The following SLC15A1 variants were observed in gnomAD, a reference collection of about 807,000 sequenced individuals.
SLC15A1 encodes Caco-2 oligopeptide transporter.
In SLC15A1, 83 loss-of-function variants were observed where a neutral mutation model predicts 92.9. That is an observed-to-expected ratio of 0.89 (90% CI 0.75 to 1.07). The LOEUF (loss-of-function observed/expected upper bound fraction) is 1.07, where lower values mean the gene tolerates loss of function less well. Ranked by LOEUF, SLC15A1 falls within the 50% of genes least tolerant of loss-of-function variation. The probability of loss-of-function intolerance (pLI) is 0.00; values close to 1 mark genes in which losing one functional copy is unlikely to be tolerated. For synonymous variants in SLC15A1, 322 were observed against 318.2 expected (o/e 1.01, Z -0.13); for missense variants, 857 against 880.1 (o/e 0.97, Z 0.33).
intron 18 of SLC15A1, among the ~76,000 whole-genome samples, chr13:98,695,943 A>C (rs1325389278): frequency 6.6e-6 from 1 of 152,022 alleles, no homozygotes; most frequent in Non-Finnish European, 1.5e-5. Flanking sequence ...TTTTTTCCCT[A>C]GAGCCTCACT....
chr13:98,690,342 TA>T (rs1183676966), intron 18 of SLC15A1, among the ~76,000 whole-genome samples: 4 of 152,238 alleles, frequency 2.6e-5, no homozygotes, highest in African/African-American at 9.6e-5. Flanking sequence ...GATAGCTGAT[TA>T]ATATGGAAAA....
At chr13:98,709,464 C>G (rs1205207448) in intron 14 of SLC15A1, 108 bp downstream of exon 14, 9 of 779,886 alleles carry the variant, frequency 1.2e-5, no homozygotes, top group Middle Eastern at 2.8e-4. Flanking sequence ...TCTTCAAAAC[C>G]CTATCCTCTA....
In SLC15A1 at chr13:98,712,110, G is replaced by A. The variant is rs4646223; in HGVS notation, c.811-167C>T. On this transcript the variant is annotated intron_variant, in intron 10 of 22. Coordinates refer to ENST00000376503, the MANE Select transcript of SLC15A1 (RefSeq NM_005073.4). ...CTGCCGCAGTTTTCTTTAGAAAATC[G>A]AAAATGTCTAAACTATTTAAAATAT... Among the ~76,000 whole-genome samples the A allele has an allele frequency of 4.6e-3, 707 of 152,224 alleles. 40 individuals carry two copies. The East Asian group carries it at 0.099, about 21-fold the overall frequency.
chr13:98,727,011 T>A (rs1365817216), intron 1 of SLC15A1, 152 bp from the exon 2 acceptor site: 1 of 708,814 alleles, frequency 1.4e-6, no homozygotes, highest in Non-Finnish European at 2.5e-6. Flanking sequence ...CCCAGACTCA[T>A]GCTTCTTATC....
chr13:98,684,939 C>G, intron 22 of SLC15A1, 24 bp from the exon 23 acceptor site: 1 of 1,590,086 alleles, frequency 6.3e-7, no homozygotes, highest in Admixed American at 1.8e-5. Context: ...AGAGTTGGAG[C>G]AGGAAAAAGA....
At chr13:98,739,921 A>G (rs2088428975) in intron 1 of SLC15A1, among the ~76,000 whole-genome samples, 1 of 9,414 alleles carries the variant, frequency 1.1e-4, no homozygotes, top group Admixed American at 7.6e-4. Flanking sequence ...GACTTAAAAT[A>G]CGACAAGAAT....
At chr13:98,687,542 G>A in intron 21 of SLC15A1, 39 bp downstream of exon 21, 1 of 1,605,200 alleles carries the variant, frequency 6.2e-7, no homozygotes. Context: ...TGCAGGCAGG[G>A]GTATTGCAGA....
At chr13:98,714,037 A>C (rs2088190672) in intron 9 of SLC15A1, among the ~76,000 whole-genome samples, 1 of 145,678 alleles carries the variant, frequency 6.9e-6, no homozygotes, top group Non-Finnish European at 1.5e-5. Flanking sequence ...TGGGTGTCAG[A>C]GTGAGACTCT....
At chr13:98,704,679 T>C (rs2088097643) in intron 16 of SLC15A1, among the ~76,000 whole-genome samples, 1 of 152,200 alleles carries the variant, frequency 6.6e-6, no homozygotes, top group Admixed American at 6.5e-5. Context: ...CTTACTTTTA[T>C]TTTGCTTTTA....
rs1315915894 is a variant in SLC15A1, at chr13:98,707,891, T to TTTTAAAAAAA, written c.1149+794_1149+795insTTTTTTTAAA. ...CTAGGCGACAGAGTGAGACCCTGTT[T>TTTTAAAAAAA]AAAAAAAAAAAAAAAAAAAAAAAAA... On this transcript the variant is annotated intron_variant, in intron 15 of 22. Coordinates refer to ENST00000376503, the MANE Select transcript of SLC15A1 (RefSeq NM_005073.4). 2.4e-4 allele frequency among the ~76,000 whole-genome samples: 26 copies of TTTTAAAAAAA among 106,844 alleles called. 1 individual carries two copies. The highest frequency in any genetic ancestry group is 1.0e-3 in the African/African-American group (26 of 25,332). The allele number at this position is 106,844 out of a possible 152,430, so 70.1% of individuals were successfully genotyped here. A position where few individuals can be genotyped will look rare whatever the true frequency, so the allele number is the denominator to read the frequency against.
At chr13:98,715,220 G>A (rs2088203581) in intron 9 of SLC15A1, among the ~76,000 whole-genome samples, 1 of 152,110 alleles carries the variant, frequency 6.6e-6, no homozygotes. Context: ...TGTCGCCCAG[G>A]CTGGAGTGCA....
chr13:98,692,294 C>T (rs2087987068), intron 18 of SLC15A1, among the ~76,000 whole-genome samples: 1 of 151,846 alleles, frequency 6.6e-6, no homozygotes, highest in African/African-American at 2.4e-5. Context: ...GCTAGGACTG[C>T]AGGAGTGCAT....
At chr13:98,719,642 G>T (rs74407347) in intron 7 of SLC15A1, among the ~76,000 whole-genome samples, 2,525 of 152,198 alleles carry the variant, frequency 0.017, 72 homozygotes, top group African/African-American at 0.058. Flanking sequence ...TTGATTATAT[G>T]GGACTCAGTA....
At position 98,706,220 on chromosome 13, in the gene SLC15A1, C is replaced by T; in HGVS notation, c.1183G>A (p.Val395Ile). The change falls in exon 16 of 23, where the codon GTC becomes ATC. Residue 395 changes from valine to isoleucine, a missense_variant. Transcript: ENST00000376503. Reference sequence around the variant, plus strand: ...CCTATATTCAAAACTTTAATTTGGACTTCGTTTCCTTTGGGGAAGACTGGA... The same window carrying T: ...CCTATATTCAAAACTTTAATTTGGATTTCGTTTCCTTTGGGGAAGACTGGA... ...TLPVFPKGNEVQIKVLNIGNN... is the reference protein window; with the variant it reads ...TLPVFPKGNEIQIKVLNIGNN... 5 of 1,613,538 alleles carry T rather than the reference C, an allele frequency of 3.1e-6. No homozygotes were observed. Among genetic ancestry groups the T allele is most frequent in the Non-Finnish European group, 4.2e-6 (5 of 1,179,798 alleles).
At chr13:98,731,890 GACTCAGTAC>G (rs2088353263) in intron 1 of SLC15A1, among the ~76,000 whole-genome samples, 1 of 152,190 alleles carries the variant, frequency 6.6e-6, no homozygotes, top group Non-Finnish European at 1.5e-5. Context: ...GTAAATCTGA[GACTCAGTAC>G]CCAGCCATTA....
intron 22 of SLC15A1, 37 bp downstream of exon 22, chr13:98,686,153 G>T: frequency 6.9e-7 from 1 of 1,456,534 alleles, no homozygotes; most frequent in Non-Finnish European, 9.6e-7. Flanking sequence ...GAACAGGAAA[G>T]ACAGAGGTAT....
intron 19 of SLC15A1, 33 bp downstream of exon 19, chr13:98,688,437 C>A: frequency 1.2e-6 from 2 of 1,606,800 alleles, no homozygotes; most frequent in Non-Finnish European, 1.7e-6. Context: ...AATTCTTGAA[C>A]CTTTGAGTGA....
chr13:98,705,126 G>T (rs1178208075), intron 16 of SLC15A1, among the ~76,000 whole-genome samples: 1 of 151,252 alleles, frequency 6.6e-6, no homozygotes, highest in Non-Finnish European at 1.5e-5. Flanking sequence ...TTAAACCCAG[G>T]AGGCAGAGGT....
Position 98,752,651 on chromosome 13 carries a change from G to A in SLC15A1, c.-53C>T. ...CTGCCGGCGGGACGTGCTCCTGGCA[G>A]GTGCTACTCCTCCGACCTGACGTCC... On this transcript the variant is annotated 5_prime_UTR_variant, in exon 1 of 23. Transcript: ENST00000376503. 1 of 1,242,744 alleles carries A rather than the reference G, an allele frequency of 8.0e-7. No individual in the cohort carries two copies. The highest frequency in any genetic ancestry group is 1.0e-6 in the Non-Finnish European group (1 of 992,164). 77.0% of individuals were successfully genotyped at this position (1,242,744 alleles called of 1,614,324 possible).
Sources: gnomAD v4.1 joint callset for allele counts (sites outside exome capture counted in the v4.1 genomes callset) on GRCh38, gnomAD v4.1.1 for gene constraint, MANE v1.5 for transcripts, NCBI Gene and HGNC (gene_info 2026-07-23, HGNC 2026-07-21) for gene names.